SAMSN1: variants seen among roughly 807,000 people sequenced by gnomAD.
SAMSN1 encodes the protein SAM domain-containing protein SAMSN-1.
SAMSN1 carries 31 observed loss-of-function variants against 42.0 expected under a neutral mutation model. The ratio of observed to expected loss-of-function variants is 0.74; its 90% CI spans 0.55 to 1.00. The LOEUF (loss-of-function observed/expected upper bound fraction) is 1.00, where lower values mean the gene tolerates loss of function less well. SAMSN1 is among the 50% of genes least tolerant of loss of function. SAMSN1 has a pLI of 0.00. For synonymous variants in SAMSN1, 178 were observed against 151.9 expected (o/e 1.17, Z -1.26); for missense variants, 464 against 439.4 (o/e 1.06, Z -0.50).
At position 14,658,757 on chromosome 21, in the gene SAMSN1, G is replaced by T; in HGVS notation, c.15C>A (p.Cys5Ter). 1.4e-6 allele frequency: 1 copy of T among 715,538 alleles called. No individual in the cohort carries two copies. The highest frequency in any genetic ancestry group is 1.5e-5 in the South Asian group (1 of 67,532). The allele number at this position is 715,538 out of a possible 1,614,324, so 44.3% of individuals were successfully genotyped here. A position where few individuals can be genotyped will look rare whatever the true frequency, so the allele number is the denominator to read the frequency against. Residue 5 changes from cysteine to a stop codon, truncating the protein, a stop_gained, in exon 1 of 16, where the codon TGC becomes TGA. Transcript: ENST00000647101. LOFTEE classifies it high-confidence loss of function. ...AAATAAAGGAACTTACCAGCGAAAT[G>T]CAGAAAAGATTCATTTTGACCAGCT...
At chr21:14,557,933 A>G (rs949342753) in intron 2 of SAMSN1, among the ~76,000 whole-genome samples, 4 of 152,168 alleles carry the variant, frequency 2.6e-5, no homozygotes, top group Non-Finnish European at 5.9e-5. Flanking sequence ...CCTTCAGGCC[A>G]CCTGTCCGTG....
chr21:14,617,461 C>T lies in SAMSN1; in HGVS notation c.157-1445G>A, dbSNP rs183016470. 1.5e-3 allele frequency among the ~76,000 whole-genome samples: 230 copies of T among 152,244 alleles called. 2 individuals carry two copies. Among genetic ancestry groups the T allele is most frequent in the Non-Finnish European group, 2.7e-3 (181 of 68,024 alleles). On this transcript the variant is annotated intron_variant, in intron 2 of 15. Transcript: ENST00000647101. ...TGACAATCATGAGGAAAGAGGATGG[C>T]CATCCATCTTTATAGTAGTGTTTTT...
Position 14,546,186 on chromosome 21 carries a change from A to G in SAMSN1, c.57+19T>C. ...TTAAATAGTTTGATTTTATTTAACT[A>G]TGTATGAAATCACCTTACCTTTGGT... is the stretch of plus-strand genomic sequence containing the variant. On this transcript the variant is annotated intron_variant, in intron 1 of 7. Coordinates refer to ENST00000400566, the MANE Select transcript of SAMSN1 (RefSeq NM_022136.5). 1.3e-6 allele frequency: 2 copies of G among 1,591,730 alleles called. No homozygotes were observed. The highest frequency in any genetic ancestry group is 1.1e-5 in the South Asian group (1 of 90,512).
chr21:14,533,883 C>A (rs1290626836), intron 1 of SAMSN1, among the ~76,000 whole-genome samples: 1 of 152,164 alleles, frequency 6.6e-6, no homozygotes, highest in African/African-American at 2.4e-5. Context: ...CTTCTCCTAG[C>A]CTTAGGTACA....
chr21:14,630,428 T>TC (rs1404358217), intron 2 of SAMSN1, among the ~76,000 whole-genome samples: 1 of 151,910 alleles, frequency 6.6e-6, no homozygotes, highest in African/African-American at 2.4e-5. Context: ...ACCATGGCTT[T>TC]CATCAGATTC....
intron 1 of SAMSN1, among the ~76,000 whole-genome samples, chr21:14,541,767 T>A (rs924248484): frequency 4.6e-5 from 7 of 152,158 alleles, no homozygotes; most frequent in African/African-American, 1.2e-4. Context: ...GGTCATTTTT[T>A]AAAATATTTG....
At chr21:14,526,361 G>A (rs537261087) in intron 1 of SAMSN1, among the ~76,000 whole-genome samples, 23 of 152,102 alleles carry the variant, frequency 1.5e-4, no homozygotes, top group African/African-American at 5.3e-4. Context: ...CAATCACATC[G>A]TGCAGTTAAC....
chr21:14,633,746 G>A (rs940822195), intron 2 of SAMSN1, among the ~76,000 whole-genome samples: 2 of 152,150 alleles, frequency 1.3e-5, no homozygotes, highest in African/African-American at 4.8e-5. Flanking sequence ...GGTCAATAGC[G>A]TGCATATCCA....
At chr21:14,631,313 ATAAT>A (rs1376906625) in intron 2 of SAMSN1, among the ~76,000 whole-genome samples, 1 of 152,162 alleles carries the variant, frequency 6.6e-6, no homozygotes, top group Non-Finnish European at 1.5e-5. Flanking sequence ...TTCTCACCTG[ATAAT>A]TAAGAGGTAA....
intron 6 of SAMSN1, among the ~76,000 whole-genome samples, chr21:14,597,730 G>A (rs527503446): frequency 5.3e-5 from 8 of 152,112 alleles, no homozygotes; most frequent in South Asian, 2.1e-4. Context: ...CCCGGGTGCC[G>A]CTTCTCAAGG....
chr21:14,568,907 C>G (rs1334190482), intron 2 of SAMSN1, among the ~76,000 whole-genome samples: 1 of 152,142 alleles, frequency 6.6e-6, no homozygotes, highest in Non-Finnish European at 1.5e-5. Context: ...AGCAGGATGA[C>G]AGATTCATTT....
intron 7 of SAMSN1, among the ~76,000 whole-genome samples, chr21:14,588,618 A>G (rs1318467870): frequency 2.0e-5 from 3 of 152,192 alleles, no homozygotes; most frequent in Non-Finnish European, 4.4e-5. Context: ...CTATGCTCCA[A>G]ATATGATGCT....
At chr21:14,634,083 C>T (rs383431) in intron 2 of SAMSN1, among the ~76,000 whole-genome samples, 117,165 of 151,770 alleles carry the variant, frequency 0.77, 45,750 homozygotes, top group Middle Eastern at 0.89. Flanking sequence ...ATTTTACAAA[C>T]GGTGCTGGGA....
At chr21:14,603,898 G>A (rs1357878547) in intron 5 of SAMSN1, among the ~76,000 whole-genome samples, 4 of 152,056 alleles carry the variant, frequency 2.6e-5, no homozygotes, top group Non-Finnish European at 5.9e-5. Flanking sequence ...GTCCTGGATT[G>A]GAAATTTCCC....
At chr21:14,516,795 A>C in intron 3 of SAMSN1, 97 bp downstream of exon 3, 1 of 979,208 alleles carries the variant, frequency 1.0e-6, no homozygotes, top group Non-Finnish European at 1.5e-6. Flanking sequence ...ACAAATGCTT[A>C]AGTACTTCAT....
chr21:14,578,093 T>C (rs1024095819), intron 2 of SAMSN1, among the ~76,000 whole-genome samples: 3 of 152,190 alleles, frequency 2.0e-5, no homozygotes, highest in Non-Finnish European at 2.9e-5. Context: ...TTGCAATAAA[T>C]ATTACTTACT....
chr21:14,654,363 T>C (rs1600986413), intron 1 of SAMSN1, among the ~76,000 whole-genome samples: 1 of 152,032 alleles, frequency 6.6e-6, no homozygotes, highest in Admixed American at 6.6e-5. Flanking sequence ...AAGTAAGTCA[T>C]GAGTGCTCTA....
At chr21:14,638,337 G>A (rs57281261) in intron 2 of SAMSN1, among the ~76,000 whole-genome samples, 3,971 of 152,128 alleles carry the variant, frequency 0.026, 171 homozygotes, top group African/African-American at 0.09. Flanking sequence ...TATGAAGTCT[G>A]TAAAACATAT....
At chr21:14,548,154 C>T (rs950165949), upstream of SAMSN1, among the ~76,000 whole-genome samples, 1 of 152,078 alleles carries the variant, frequency 6.6e-6, no homozygotes, top group Admixed American at 6.6e-5. Context: ...ACCCTCTTTT[C>T]TTCATCTATG....
Sources: allele counts gnomAD v4.1 joint callset (sites outside exome capture counted in the v4.1 genomes callset), GRCh38; gene constraint gnomAD v4.1.1; transcripts MANE v1.5; gene names NCBI Gene and HGNC (gene_info 2026-07-23, HGNC 2026-07-21).